The following SLC66A1 variants were observed in gnomAD, a reference collection of about 807,000 sequenced individuals.
The protein encoded by SLC66A1 is solute carrier family 66 member 1.
SLC66A1 carries 23 observed loss-of-function variants against 33.0 expected under a neutral mutation model. The observed-to-expected ratio is 0.70, with a 90% confidence interval of 0.50 to 0.99. The LOEUF (loss-of-function observed/expected upper bound fraction) is 0.99, where lower values mean the gene tolerates loss of function less well. Ranked by LOEUF, SLC66A1 falls within the 50% of genes least tolerant of loss-of-function variation. The pLI, the probability that SLC66A1 is intolerant of heterozygous loss-of-function variation, is 0.00. For synonymous variants in SLC66A1, 164 were observed against 175.5 expected (o/e 0.93, Z 0.52); for missense variants, 335 against 383.6 (o/e 0.87, Z 1.06).
In SLC66A1 at chr1:19,316,136, A is replaced by C. The variant is rs1569733375; in HGVS notation, c.-78-1464A>C. ...GTAGCGGGAGAGGCCTGCCCTGCCC[A>C]CCCCTGCGATCAGCCATATTCTGGC... On this transcript the variant is annotated intron_variant, in intron 1 of 7. Transcript: ENST00000375153. 2.0e-5 allele frequency among the ~76,000 whole-genome samples: 3 copies of C among 151,948 alleles called. No individual in the cohort carries two copies. The South Asian group carries it at 6.3e-4, about 32-fold the overall frequency.
At position 19,328,465 on chromosome 1, in the gene SLC66A1, G is replaced by T; in HGVS notation, c.805-107G>T. 7.9e-6 allele frequency: 8 copies of T among 1,017,136 alleles called. No individual in the cohort carries two copies. The highest frequency in any genetic ancestry group is 1.0e-5 in the Non-Finnish European group (7 of 670,692). 63.0% of individuals were successfully genotyped at this position (1,017,136 alleles called of 1,614,324 possible). ...GCTGGCCCTTCCCACCTGCAGCGTG[G>T]GGGTGGGAGGGAGGGGAGAGGGAGG... On this transcript the variant is annotated intron_variant, in intron 7 of 7. Transcript: ENST00000375153. This position sits in a 1 kb window ranked among gnomAD's most constrained non-coding sequence, Gnocchi z 4.7.
chr1:19,330,484 G>A (rs2093889387), downstream of SLC66A1, among the ~76,000 whole-genome samples: 2 of 152,194 alleles, frequency 1.3e-5, no homozygotes, highest in Admixed American at 1.3e-4. Context: ...TGCCTTCCAG[G>A]AGAGGAGATG....
At chr1:19,326,035 C>T (rs891993034) in intron 4 of SLC66A1, among the ~76,000 whole-genome samples, 3 of 152,208 alleles carry the variant, frequency 2.0e-5, no homozygotes, top group African/African-American at 7.2e-5. Flanking sequence ...TCCTGACCTC[C>T]CTGCCCTCAG....
downstream of SLC66A1, among the ~76,000 whole-genome samples, chr1:19,332,284 G>C (rs997810810): frequency 6.6e-6 from 1 of 152,206 alleles, no homozygotes; most frequent in African/African-American, 2.4e-5. Context: ...GCAGATGTCC[G>C]AAGCCGTTTC....
At chr1:19,319,935 C>G (rs1462349779) in intron 2 of SLC66A1, among the ~76,000 whole-genome samples, 1 of 150,450 alleles carries the variant, frequency 6.6e-6, no homozygotes, top group African/African-American at 2.4e-5. Context: ...TCACTCTGGT[C>G]CCCCAGGCTG....
At chr1:19,333,903 C>CAAAACAAAACAAAA (rs1553264949), downstream of SLC66A1, among the ~76,000 whole-genome samples, 3 of 84,618 alleles carry the variant, frequency 3.5e-5, no homozygotes, top group Non-Finnish European at 7.6e-5. This position sits in a 1 kb window ranked among gnomAD's most constrained non-coding sequence, Gnocchi z 4.2. Flanking sequence ...TTGTCTCAAA[C>CAAAACAAAACAAAA]AAAACAAAAC....
At position 19,326,409 on chromosome 1, in the gene SLC66A1, C is replaced by T. The variant is rs867483135; in HGVS notation, c.525+22C>T. The T allele has an allele frequency of 4.4e-6, 7 of 1,604,842 alleles. No individual in the cohort carries two copies. The Middle Eastern group carries it at 5.0e-4, about 114-fold the overall frequency. On this transcript the variant is annotated intron_variant, in intron 5 of 7. Coordinates refer to ENST00000375153, the MANE Select transcript of SLC66A1 (RefSeq NM_001040125.2). ...CAAGGTGAGGCGTGGGCGTGGCGGT[C>T]GAAGGGATGGAGGCTGGCTCATCCC...
Position 19,320,717 on chromosome 1 carries a change from ACTT to A in SLC66A1, c.164+2880_164+2882del, listed in dbSNP as rs755517192. ...GGCGTGAGCCACCGCACCTGGCCTCACTTCTTTTTTTTTGAGACGTAGTCTTGC... is the reference window on the plus strand; with the variant it reads ...GGCGTGAGCCACCGCACCTGGCCTCACTTTTTTTTTGAGACGTAGTCTTGC... On this transcript the variant is annotated intron_variant, in intron 2 of 7. Coordinates refer to ENST00000375153, the MANE Select transcript of SLC66A1 (RefSeq NM_001040125.2). 5.6e-5 allele frequency among the ~76,000 whole-genome samples: 8 copies of A among 143,412 alleles called. 1 individual carries two copies. Among genetic ancestry groups the A allele is most frequent in the African/African-American group, 1.1e-4 (4 of 36,818 alleles). The allele number at this position is 143,412 out of a possible 152,430, so 94.1% of individuals were successfully genotyped here.
At chr1:19,319,620 T>TTTTTC (rs2093824074) in intron 2 of SLC66A1, among the ~76,000 whole-genome samples, 1 of 150,418 alleles carries the variant, frequency 6.6e-6, no homozygotes, top group Non-Finnish European at 1.5e-5. Context: ...TTTTTTTTTT[T>TTTTTC]TGCCTGGTGC....
Position 19,317,674 on chromosome 1 carries a change from A to G in SLC66A1, c.-4A>G. 1 of 1,613,752 alleles carries G rather than the reference A, an allele frequency of 6.2e-7. No individual in the cohort carries two copies. Among genetic ancestry groups the G allele is most frequent in the South Asian group, 1.1e-5 (1 of 91,078 alleles). On this transcript the variant is annotated 5_prime_UTR_variant, in exon 2 of 8. Transcript: ENST00000375153. ...GCCTGGCCGGGGGCCCCTCCTCCAC[A>G]GCCATGGTCTGGAAGAAACTGGGCT...
chr1:19,325,509 G>A lies in SLC66A1; in HGVS notation c.309G>A (p.Val103=). The stretch of plus-strand genomic sequence containing the variant: ...ATCTCTTACAGACCTACACGGCTGT[G>A]TATTATGTCTTGGCAGACCTGGTGA... ...DQLPLQTYTA[V]YYVLADLVML... is the part of the protein sequence containing the mutation. Residue 103 remains valine (V), a synonymous_variant, in exon 4 of 8, where the codon GTG becomes GTA. Transcript: ENST00000375153. The A allele has an allele frequency of 6.2e-7, 1 of 1,608,640 alleles. No homozygotes were observed. Among genetic ancestry groups the A allele is most frequent in the Non-Finnish European group, 8.5e-7 (1 of 1,175,200 alleles).
At chr1:19,314,968 C>T (rs1233154075) in intron 1 of SLC66A1, among the ~76,000 whole-genome samples, 6 of 152,124 alleles carry the variant, frequency 3.9e-5, no homozygotes, top group South Asian at 4.2e-4. Flanking sequence ...AGTGCAATGG[C>T]GCGATCTCAG....
Position 19,328,453 on chromosome 1 carries a change from A to T in SLC66A1, c.805-119A>T. 5.5e-6 allele frequency: 5 copies of T among 905,552 alleles called. No homozygotes were observed. Among genetic ancestry groups the T allele is most frequent in the Non-Finnish European group, 8.6e-6 (5 of 581,340 alleles). The allele number at this position is 905,552 out of a possible 1,614,324, so 56.1% of individuals were successfully genotyped here. A position where few individuals can be genotyped will look rare whatever the true frequency, so the allele number is the denominator to read the frequency against. On this transcript the variant is annotated intron_variant, in intron 7 of 7. Coordinates refer to ENST00000375153, the MANE Select transcript of SLC66A1 (RefSeq NM_001040125.2). The surrounding 1 kb of genome is among the most constrained non-coding windows in gnomAD (Gnocchi z 4.7). ...TGGGAGGTTATGGCTGGCCCTTCCC[A>T]CCTGCAGCGTGGGGGTGGGAGGGAG...
intron 1 of SLC66A1, among the ~76,000 whole-genome samples, chr1:19,314,913 GTGTTT>G (rs2093797124): frequency 6.6e-6 from 1 of 151,728 alleles, no homozygotes; most frequent in Non-Finnish European, 1.5e-5. Flanking sequence ...TTGTTTGTTT[GTGTTT>G]TGTTTTGTTT....
chr1:19,326,369 C>T lies in SLC66A1; in HGVS notation c.507C>T (p.Ser169=), dbSNP rs544661654. The T allele has an allele frequency of 5.9e-5, 94 of 1,606,808 alleles. No homozygotes were observed. The African/African-American group carries it at 6.0e-4, about 10-fold the overall frequency. The change falls in exon 5 of 8, where the codon TCC becomes TCT. Residue 169 remains serine, a synonymous_variant. Coordinates refer to ENST00000375153, the MANE Select transcript of SLC66A1 (RefSeq NM_001040125.2). ...CCTTCCGGGGGCGGGCGCTCCTGTC[C>T]GTGGAGTCGGGCAGCAAGGTGAGGC... ...REAFRGRALL[S]VESGSKPFTR... is the part of the protein sequence containing the mutation.
Position 19,328,687 on chromosome 1 carries a change from C to T in SLC66A1, c.*44C>T, listed in dbSNP as rs214316. The T allele has an allele frequency of 3.3e-4, 522 of 1,592,312 alleles. No individual in the cohort carries two copies. In the African/African-American group the frequency reaches 6.4e-3, roughly 20 times the overall value. ...CAGGAGGACAGGCACCACCGGATGC[C>T]ACACCAGGCAGGAGGAGGTGTGGAC... On this transcript the variant is annotated 3_prime_UTR_variant, in exon 8 of 8. Transcript: ENST00000375153. This position sits in a 1 kb window ranked among gnomAD's most constrained non-coding sequence, Gnocchi z 4.7.
At chr1:19,333,923 CAAA>C (rs529846099), downstream of SLC66A1, among the ~76,000 whole-genome samples, 35,451 of 151,566 alleles carry the variant, frequency 0.23, 4,303 homozygotes, top group African/African-American at 0.24. This position sits in a 1 kb window ranked among gnomAD's most constrained non-coding sequence, Gnocchi z 4.2. Context: ...CAAAACAAAA[CAAA>C]ACAAAACAAA....
intron 3 of SLC66A1, 60 bp from the exon 4 acceptor site, chr1:19,325,435 G>A (rs1167555196): frequency 1.8e-5 from 22 of 1,214,446 alleles, no homozygotes; most frequent in Middle Eastern, 2.5e-4. Context: ...GAGGGCTGCC[G>A]GGGCGTGGTC....
rs199943593 is a variant in SLC66A1 at position 19,326,582 on chromosome 1, G to A, written c.577G>A (p.Val193Met). ...CTTCGTCATCGGCTCCATCTCCAGC[G>A]TGTTGTACCTGCTTTCCCGGCTGCC... ...IGFVIGSISS[V>M]LYLLSRLPQI... Residue 193 changes from valine to methionine, a missense_variant, in exon 6 of 8, where the codon GTG becomes ATG. Transcript: ENST00000375153. 1.3e-4 allele frequency: 202 copies of A among 1,614,218 alleles called. 3 individuals carry two copies. In the East Asian group the frequency reaches 4.2e-3, roughly 34 times the overall value.
Sources: allele counts gnomAD v4.1 joint callset (sites outside exome capture counted in the v4.1 genomes callset), GRCh38; gene constraint gnomAD v4.1.1; non-coding constraint Gnocchi (gnomAD v3.1); transcripts MANE v1.5; gene names NCBI Gene and HGNC (gene_info 2026-07-23, HGNC 2026-07-21).